UGT1A8: variants seen among roughly 807,000 people sequenced by gnomAD.
The protein encoded by UGT1A8 is UDP-glucuronosyltransferase 1A8.
Under a neutral mutation model 45.3 loss-of-function variants are expected in UGT1A8, and 39 were observed. The observed-to-expected ratio is 0.86, with a 90% CI of 0.67 to 1.12. The LOEUF (loss-of-function observed/expected upper bound fraction) is 1.12, where lower values mean the gene tolerates loss of function less well. UGT1A8 is among the 50% of genes most tolerant of loss of function. UGT1A8 has a pLI of 0.00. For missense variants in UGT1A8, 719 were observed against 664.9 expected (o/e 1.08, Z -0.90); for synonymous variants, 275 against 249.2 (o/e 1.10, Z -0.97).
At chr2:233,626,726 A>G (rs1285125967) in intron 1 of UGT1A8, among the ~76,000 whole-genome samples, 1 of 152,046 alleles carries the variant, frequency 6.6e-6, no homozygotes, top group Non-Finnish European at 1.5e-5. Flanking sequence ...ACTGTGTGTA[A>G]TGAGTTCTAA....
At chr2:233,707,711 C>T (rs4663325) in intron 1 of UGT1A8, among the ~76,000 whole-genome samples, 22,514 of 152,132 alleles carry the variant, frequency 0.15, 1,958 homozygotes, top group South Asian at 0.24. Flanking sequence ...CTTTTCACTA[C>T]TGTGAACAAT....
At chr2:233,716,525 A>C (rs931011254) in intron 1 of UGT1A8, among the ~76,000 whole-genome samples, 1 of 152,164 alleles carries the variant, frequency 6.6e-6, no homozygotes, top group Non-Finnish European at 1.5e-5. Context: ...CTTACCATTC[A>C]ATTATCTCCT....
At chr2:233,633,914 T>G (rs1378056959) in intron 1 of UGT1A8, among the ~76,000 whole-genome samples, 3 of 152,218 alleles carry the variant, frequency 2.0e-5, no homozygotes, top group African/African-American at 7.2e-5. Flanking sequence ...GTTTTGATTT[T>G]AGATCTTTCC....
intron 1 of UGT1A8, chr2:233,754,417 C>A (rs964577009): frequency 5.9e-6 from 2 of 341,006 alleles, no homozygotes; most frequent in Non-Finnish European, 1.2e-5. Flanking sequence ...ACAATAAAGA[C>A]AGGCATTGGC....
chr2:233,767,283 C>T (rs1575825850), intron 2 of UGT1A8, 118 bp downstream of exon 2: 2 of 1,571,702 alleles, frequency 1.3e-6, no homozygotes, highest in Non-Finnish European at 1.7e-6. Flanking sequence ...TTCCCTGCCA[C>T]TTCCCAACTA....
At chr2:233,726,402 T>C (rs1404707610) in intron 1 of UGT1A8, among the ~76,000 whole-genome samples, 7 of 152,206 alleles carry the variant, frequency 4.6e-5, no homozygotes, top group Non-Finnish European at 1.0e-4. Context: ...AGTCTTTTGA[T>C]GTCAGCATTC....
In UGT1A8 at chr2:233,691,755, T is replaced by A. The variant is rs144640470; in HGVS notation, c.855+73193T>A. The A allele has an allele frequency of 5.1e-3, 2,691 of 530,206 alleles. 14 individuals are homozygous for A. The highest frequency in any genetic ancestry group is 6.1e-3 in the Non-Finnish European group (2,529 of 413,718). 32.8% of individuals were successfully genotyped at this position (530,206 alleles called of 1,614,324 possible). A position where few individuals can be genotyped will look rare whatever the true frequency, so the allele number is the denominator to read the frequency against. On this transcript the variant is annotated intron_variant, in intron 1 of 4. Coordinates refer to ENST00000373450, the MANE Select transcript of UGT1A8 (RefSeq NM_019076.5). Reference sequence around the variant, plus strand: ...AGAAGCAGATACCAGGCTTTCTGACTCCTGCTCTAGGATTCTCACCACGTA... The same window carrying A: ...AGAAGCAGATACCAGGCTTTCTGACACCTGCTCTAGGATTCTCACCACGTA...
chr2:233,764,888 C>G (rs1553621888), intron 1 of UGT1A8, among the ~76,000 whole-genome samples: 1 of 147,412 alleles, frequency 6.8e-6, no homozygotes, highest in Non-Finnish European at 1.5e-5. Context: ...AAGGCAAAGA[C>G]AAAGCCCTTA....
At chr2:233,754,192 G>A (rs1695415440) in intron 1 of UGT1A8, 1 of 162,150 alleles carries the variant, frequency 6.2e-6, no homozygotes. Flanking sequence ...CCACCACACA[G>A]TAAAACATTG....
chr2:233,753,448 GCC>G (rs1695207775), intron 1 of UGT1A8: 1 of 152,160 alleles, frequency 6.6e-6, no homozygotes, highest in South Asian at 2.1e-4. Context: ...ATGTGTTCAG[GCC>G]ATGATTTTTC....
chr2:233,726,439 C>G (rs2077532269), intron 1 of UGT1A8, among the ~76,000 whole-genome samples: 1 of 152,184 alleles, frequency 6.6e-6, no homozygotes, highest in African/African-American at 2.4e-5. Context: ...TAATCTTATT[C>G]TTTCCACTGA....
chr2:233,694,741 T>C (rs1294655016), intron 1 of UGT1A8, among the ~76,000 whole-genome samples: 3 of 152,224 alleles, frequency 2.0e-5, no homozygotes, highest in Admixed American at 6.5e-5. Flanking sequence ...ATTTGAACAG[T>C]TGGCAGTAGC....
At chr2:233,709,140 C>T (rs1481814176) in intron 1 of UGT1A8, among the ~76,000 whole-genome samples, 5 of 152,066 alleles carry the variant, frequency 3.3e-5, no homozygotes, top group Admixed American at 6.6e-5. Flanking sequence ...GGGGATGAGA[C>T]GTGCTGATTG....
chr2:233,759,709 C>A (rs139134152), intron 1 of UGT1A8, among the ~76,000 whole-genome samples: 2 of 151,084 alleles, frequency 1.3e-5, no homozygotes, highest in East Asian at 3.9e-4. Flanking sequence ...GGCGCGTGCT[C>A]GTGTGGTGGG....
intron 4 of UGT1A8, among the ~76,000 whole-genome samples, chr2:233,768,835 C>T (rs968956061): frequency 7.9e-5 from 12 of 152,116 alleles, no homozygotes; most frequent in African/African-American, 2.6e-4. Flanking sequence ...CCACCTGCCT[C>T]GGCCTGCCAA....
At chr2:233,715,302 T>C (rs1054337929) in intron 1 of UGT1A8, among the ~76,000 whole-genome samples, 14 of 152,238 alleles carry the variant, frequency 9.2e-5, no homozygotes, top group African/African-American at 2.7e-4. Context: ...GGCTCTTGAA[T>C]AGGTTTTGCT....
intron 1 of UGT1A8, among the ~76,000 whole-genome samples, chr2:233,675,142 AG>A (rs11330313): frequency 0.19 from 28,379 of 152,052 alleles, 2,846 homozygotes; most frequent in Non-Finnish European, 0.23. Flanking sequence ...GAGGCTATCC[AG>A]GGGAATTACA....
At chr2:233,656,233 A>C (rs530358691) in intron 1 of UGT1A8, among the ~76,000 whole-genome samples, 2 of 152,176 alleles carry the variant, frequency 1.3e-5, no homozygotes, top group Non-Finnish European at 2.9e-5. Flanking sequence ...ATTTAAATGG[A>C]TTACAATTAG....
At chr2:233,761,196 T>G (rs761284519) in intron 1 of UGT1A8, 1 of 1,614,142 alleles carries the variant, frequency 6.2e-7, no homozygotes. Context: ...TTCTTTCAGA[T>G]GTATTACTTT....
Sources: gnomAD v4.1 joint callset for allele counts (sites outside exome capture counted in the v4.1 genomes callset) on GRCh38, gnomAD v4.1.1 for gene constraint, MANE v1.5 for transcripts, NCBI Gene and HGNC (gene_info 2026-07-23, HGNC 2026-07-21) for gene names.